The following TAF2 variants were observed in gnomAD, a reference collection of about 807,000 sequenced individuals.
TAF2 encodes the protein transcription initiation factor TFIID subunit 2.
A neutral mutation model predicts 138.5 loss-of-function variants in TAF2; 61 were observed. The observed-to-expected ratio is 0.44, with a 90% CI of 0.36 to 0.54. TAF2 has a LOEUF of 0.54. Among genes scored for constraint, TAF2 ranks in the 20% least tolerant of loss-of-function variants. The pLI, the probability that TAF2 is intolerant of heterozygous loss-of-function variation, is 0.00. For missense variants in TAF2, 1,090 were observed against 1,427.9 expected (o/e 0.76, Z 3.81); for synonymous variants, 475 against 469.9 (o/e 1.01, Z -0.14).
At chr8:119,756,194 A>G (rs1820692066) in intron 21 of TAF2, 79 bp from the exon 22 acceptor site, 2 of 942,798 alleles carry the variant, frequency 2.1e-6, no homozygotes, top group Non-Finnish European at 3.4e-6. Context: ...ATAAACACTG[A>G]AAAATTATCT....
rs1823928991 is a variant in TAF2 at position 119,797,703 on chromosome 8, A to T, written c.936T>A (p.Ala312=). ...AAGCATAAGCAGCCACTTCAACATA[A>T]GCCTCATCAATGAAGACAGTCTTAA... ...SCFKTVFIDE[A]YVEVAAYASM... Residue 312 remains alanine, a synonymous_variant, in exon 7 of 26, where the codon GCT becomes GCA. Coordinates refer to ENST00000378164, the MANE Select transcript of TAF2 (RefSeq NM_003184.4). The T allele has an allele frequency of 3.1e-6, 5 of 1,613,592 alleles. No individual in the cohort carries two copies. The highest frequency in any genetic ancestry group is 2.5e-6 in the Non-Finnish European group (3 of 1,179,720).
At chr8:119,814,887 C>T (rs1309983402) in intron 3 of TAF2, among the ~76,000 whole-genome samples, 8 of 140,902 alleles carry the variant, frequency 5.7e-5, no homozygotes, top group South Asian at 2.3e-4. Flanking sequence ...CCAGCCTGGG[C>T]GCCAGAGCAG....
intron 22 of TAF2, among the ~76,000 whole-genome samples, chr8:119,755,053 G>GT (rs1223438540): frequency 6.6e-6 from 1 of 152,160 alleles, no homozygotes; most frequent in Non-Finnish European, 1.5e-5. Flanking sequence ...TTTGTAGTAG[G>GT]TATCATTATC....
intron 22 of TAF2, among the ~76,000 whole-genome samples, chr8:119,747,493 G>C (rs1820056252): frequency 6.6e-6 from 1 of 152,138 alleles, no homozygotes; most frequent in Non-Finnish European, 1.5e-5. Flanking sequence ...TGCCTGGGTA[G>C]AAGTTCAGTT....
Position 119,831,731 on chromosome 8 carries a change from T to G in TAF2, c.84A>C (p.Leu28Phe). The change falls in exon 2 of 26, where the codon TTA becomes TTC. Residue 28 changes from leucine to phenylalanine, a missense_variant and splice_region_variant. Transcript: ENST00000378164. ...KGFESPRPYK[L>F]THQVVCINNI... The stretch of plus-strand genomic sequence containing the variant: ...TGTTGATGCAGACGACCTGATGGGT[T>G]GTATATTAATAAATATAAAAAGAAA... 6.4e-7 allele frequency: 1 copy of G among 1,569,078 alleles called. No homozygotes were observed. Among genetic ancestry groups the G allele is most frequent in the Non-Finnish European group, 8.7e-7 (1 of 1,153,292 alleles).
chr8:119,816,050 C>G (rs1029831242), intron 3 of TAF2, among the ~76,000 whole-genome samples: 1 of 133,902 alleles, frequency 7.5e-6, no homozygotes, highest in Admixed American at 7.6e-5. Context: ...CACACTCTTT[C>G]TTTTTTTTTT....
chr8:119,742,452 T>C, intron 25 of TAF2, 82 bp downstream of exon 25: 1 of 1,547,106 alleles, frequency 6.5e-7, no homozygotes, highest in Non-Finnish European at 8.8e-7. Flanking sequence ...AAAGGGTTTT[T>C]TAAAGTTGAT....
intron 25 of TAF2, among the ~76,000 whole-genome samples, chr8:119,738,084 CTATA>C (rs564464507): frequency 2.6e-5 from 4 of 151,140 alleles, no homozygotes; most frequent in Non-Finnish European, 5.9e-5. Context: ...TATAAGTATA[CTATA>C]TATATACAGT....
At chr8:119,818,424 A>G (rs945285585) in intron 3 of TAF2, among the ~76,000 whole-genome samples, 1 of 152,218 alleles carries the variant, frequency 6.6e-6, no homozygotes, top group African/African-American at 2.4e-5. Context: ...CCAAAACACA[A>G]AGAATCACAG....
intron 2 of TAF2, among the ~76,000 whole-genome samples, chr8:119,820,933 A>G (rs1242016533): frequency 1.3e-5 from 2 of 152,266 alleles, no homozygotes; most frequent in Admixed American, 6.5e-5. Context: ...TTTAATTAGC[A>G]TATCTGTCAT....
At chr8:119,769,993 A>G (rs943348901) in intron 18 of TAF2, among the ~76,000 whole-genome samples, 6 of 151,674 alleles carry the variant, frequency 4.0e-5, no homozygotes, top group African/African-American at 1.5e-4. Context: ...TCCTGACCTC[A>G]TGATCCGCCC....
At chr8:119,824,815 T>C (rs1435251363) in intron 2 of TAF2, among the ~76,000 whole-genome samples, 2 of 152,242 alleles carry the variant, frequency 1.3e-5, no homozygotes, top group Non-Finnish European at 2.9e-5. Context: ...AAGTCAAGAA[T>C]TGAGGTTTGG....
intron 19 of TAF2, 114 bp from the exon 20 acceptor site, chr8:119,760,852 T>TA: frequency 7.3e-7 from 1 of 1,379,154 alleles, no homozygotes; most frequent in Non-Finnish European, 1.0e-6. Flanking sequence ...GATGTGATTT[T>TA]AATCCACCTT....
At chr8:119,800,153 T>C (rs1185395285) in intron 6 of TAF2, among the ~76,000 whole-genome samples, 1 of 152,240 alleles carries the variant, frequency 6.6e-6, no homozygotes, top group Non-Finnish European at 1.5e-5. Context: ...TTTAATTAGA[T>C]CCCATTTGTC....
chr8:119,758,042 A>T, intron 21 of TAF2, 31 bp downstream of exon 21: 2 of 1,587,210 alleles, frequency 1.3e-6, no homozygotes, highest in Non-Finnish European at 1.7e-6. Flanking sequence ...GGACTTACAA[A>T]ATATCATAGC....
intron 2 of TAF2, among the ~76,000 whole-genome samples, chr8:119,825,366 AT>A (rs1158795185): frequency 6.6e-6 from 1 of 152,186 alleles, no homozygotes; most frequent in African/African-American, 2.4e-5. Context: ...CTTGCTTTTG[AT>A]TTCACAGGCT....
chr8:119,804,769 T>C (rs530605796), intron 4 of TAF2, among the ~76,000 whole-genome samples: 1 of 152,318 alleles, frequency 6.6e-6, no homozygotes, highest in Admixed American at 6.5e-5. Flanking sequence ...CTTTCTCTTA[T>C]TATATTATCC....
At chr8:119,801,373 CTA>C (rs1361216401) in intron 6 of TAF2, among the ~76,000 whole-genome samples, 2 of 151,214 alleles carry the variant, frequency 1.3e-5, no homozygotes, top group Non-Finnish European at 2.9e-5. Flanking sequence ...CATTTTCTCT[CTA>C]GTCATATTCT....
intron 6 of TAF2, 64 bp from the exon 7 acceptor site, chr8:119,797,910 C>T: frequency 7.1e-7 from 1 of 1,410,378 alleles, no homozygotes; most frequent in Non-Finnish European, 9.9e-7. Flanking sequence ...TGGAAATTTC[C>T]TAAACACCTC....
Sources: gnomAD v4.1 joint callset for allele counts (sites outside exome capture counted in the v4.1 genomes callset) on GRCh38, gnomAD v4.1.1 for gene constraint, MANE v1.5 for transcripts, NCBI Gene and HGNC (gene_info 2026-07-23, HGNC 2026-07-21) for gene names.